Variants in NTN1 observed in about 807,000 individuals in gnomAD.
NTN1 encodes the protein netrin-1.
In NTN1, 11 loss-of-function variants were observed where a neutral mutation model predicts 54.2. That is an observed-to-expected ratio of 0.20 (90% CI 0.13 to 0.34). NTN1 has a LOEUF of 0.34. Ranked by LOEUF, NTN1 falls within the 10% of genes least tolerant of loss-of-function variation. The probability of loss-of-function intolerance (pLI) is 1.00; values close to 1 mark genes in which losing one functional copy is unlikely to be tolerated. For missense variants in NTN1, 740 were observed against 893.1 expected (o/e 0.83, Z 2.18); for synonymous variants, 371 against 382.0 (o/e 0.97, Z 0.33).
intron 2 of NTN1, among the ~76,000 whole-genome samples, chr17:9,091,963 A>G (rs1173504043): frequency 6.6e-6 from 1 of 151,540 alleles, no homozygotes; most frequent in Non-Finnish European, 1.5e-5. Flanking sequence ...ATCATACAGT[A>G]GTTGTCCTTC....
intron 4 of NTN1, among the ~76,000 whole-genome samples, chr17:9,180,903 A>G (rs912412835): frequency 6.6e-6 from 1 of 152,182 alleles, no homozygotes; most frequent in Non-Finnish European, 1.5e-5. Flanking sequence ...GTTTGTCAAA[A>G]TCCTTCTGTC....
chr17:9,055,718 T>C (rs79690841), intron 2 of NTN1, among the ~76,000 whole-genome samples: 4,767 of 152,058 alleles, frequency 0.031, 238 homozygotes, highest in African/African-American at 0.11. Flanking sequence ...GCAGACATCT[T>C]TTTTTTAATT....
chr17:9,076,770 C>T (rs1163847703), intron 2 of NTN1, among the ~76,000 whole-genome samples: 1 of 152,206 alleles, frequency 6.6e-6, no homozygotes, highest in Non-Finnish European at 1.5e-5. Context: ...ACACACTTTG[C>T]ATAATTATTG....
chr17:9,158,637 C>A (rs567001164), intron 2 of NTN1, among the ~76,000 whole-genome samples: 1 of 152,350 alleles, frequency 6.6e-6, no homozygotes, highest in Non-Finnish European at 1.5e-5. Flanking sequence ...TGGGCCCCCC[C>A]ATTTACTGGC....
intron 2 of NTN1, among the ~76,000 whole-genome samples, chr17:9,127,071 CG>C (rs5819215): frequency 3.1e-4 from 25 of 81,946 alleles, no homozygotes; most frequent in African/African-American, 9.1e-4. Flanking sequence ...GTGGTAGGGC[CG>C]GGGGGGGGCA....
intron 2 of NTN1, among the ~76,000 whole-genome samples, chr17:9,048,155 T>A (rs2091946806): frequency 6.6e-6 from 1 of 152,150 alleles, no homozygotes; most frequent in African/African-American, 2.4e-5. Flanking sequence ...TAAAAACAAA[T>A]AAAGGCTTGA....
rs149146605 is a variant in NTN1 at position 9,056,308 on chromosome 17, T to C, written c.1018+32917T>C. Among the ~76,000 whole-genome samples the C allele has an allele frequency of 3.5e-4, 53 of 152,296 alleles. No homozygotes were observed. In the East Asian group the frequency reaches 8.1e-3, roughly 23 times the overall value. On this transcript the variant is annotated intron_variant, in intron 2 of 6. Transcript: ENST00000173229. Reference sequence around the variant, plus strand: ...CTGACCTCAAGTGATCTGCCTGCCTTGGCCTCCCAAAGTGTTGGGATTACT... The same window carrying C: ...CTGACCTCAAGTGATCTGCCTGCCTCGGCCTCCCAAAGTGTTGGGATTACT...
chr17:9,186,035 G>T (rs2092432073), intron 5 of NTN1, among the ~76,000 whole-genome samples: 1 of 152,086 alleles, frequency 6.6e-6, no homozygotes, highest in Admixed American at 6.5e-5. Context: ...CTCTTCAGAG[G>T]CACCTGCTTG....
At chr17:9,147,472 C>A (rs2142285764) in intron 2 of NTN1, among the ~76,000 whole-genome samples, 1 of 152,238 alleles carries the variant, frequency 6.6e-6, no homozygotes, top group East Asian at 1.9e-4. Flanking sequence ...TGAGATCGAG[C>A]CACTGCACTC....
chr17:9,089,435 G>A (rs1025855983), intron 2 of NTN1, among the ~76,000 whole-genome samples: 1 of 151,440 alleles, frequency 6.6e-6, no homozygotes, highest in Non-Finnish European at 1.5e-5. Context: ...AAAAATTAAG[G>A]ACATATGTTT....
chr17:9,065,801 A>G (rs1311006562), intron 2 of NTN1, among the ~76,000 whole-genome samples: 1 of 152,186 alleles, frequency 6.6e-6, no homozygotes, highest in Non-Finnish European at 1.5e-5. Flanking sequence ...AAACTTAATC[A>G]CTTTACCATC....
chr17:9,198,885 A>T (rs373705351), intron 5 of NTN1, among the ~76,000 whole-genome samples: 36 of 152,272 alleles, frequency 2.4e-4, no homozygotes, highest in South Asian at 1.9e-3. Flanking sequence ...GCTTTCACCT[A>T]CGAGGGAGGC....
At chr17:9,084,372 G>A (rs1043541688) in intron 2 of NTN1, among the ~76,000 whole-genome samples, 1 of 152,204 alleles carries the variant, frequency 6.6e-6, no homozygotes, top group Non-Finnish European at 1.5e-5. Flanking sequence ...AGGCTGCTTT[G>A]TCTAGTCATT....
chr17:9,181,088 G>A (rs887540227), intron 4 of NTN1, among the ~76,000 whole-genome samples: 3 of 152,176 alleles, frequency 2.0e-5, no homozygotes, highest in African/African-American at 4.8e-5. Context: ...GCCTAGACAC[G>A]AGAGCTGGTG....
intron 2 of NTN1, among the ~76,000 whole-genome samples, chr17:9,062,522 G>T (rs117315393): frequency 1.3e-5 from 2 of 152,022 alleles, no homozygotes; most frequent in African/African-American, 4.8e-5. Flanking sequence ...CTTAACACTC[G>T]CTTCTTTGCA....
At chr17:9,168,456 C>T (rs2092378784) in intron 3 of NTN1, among the ~76,000 whole-genome samples, 1 of 151,924 alleles carries the variant, frequency 6.6e-6, no homozygotes, top group Admixed American at 6.6e-5. Flanking sequence ...TGCTTGAACC[C>T]AGGAGGCAGA....
intron 6 of NTN1, among the ~76,000 whole-genome samples, chr17:9,237,382 A>T (rs1210214078): frequency 2.6e-5 from 4 of 152,146 alleles, no homozygotes; most frequent in South Asian, 2.1e-4. Context: ...TAACATTTTT[A>T]AAAATTTTAA....
intron 2 of NTN1, among the ~76,000 whole-genome samples, chr17:9,129,308 G>A (rs959978608): frequency 4.6e-5 from 7 of 152,154 alleles, no homozygotes; most frequent in Middle Eastern, 3.4e-3. Flanking sequence ...ACTTTACCTG[G>A]AAGGCCCCAG....
intron 4 of NTN1, among the ~76,000 whole-genome samples, chr17:9,182,004 A>T (rs988953802): frequency 6.6e-6 from 1 of 152,148 alleles, no homozygotes; most frequent in African/African-American, 2.4e-5. Context: ...TTGAGACAGG[A>T]TCTTGCTCTG....
Sources: allele counts gnomAD v4.1 joint callset (sites outside exome capture counted in the v4.1 genomes callset), GRCh38; gene constraint gnomAD v4.1.1; transcripts MANE v1.5; gene names NCBI Gene and HGNC (gene_info 2026-07-23, HGNC 2026-07-21).